NEK6: variants seen among roughly 807,000 people sequenced by gnomAD.
The protein encoded by NEK6 is serine/threonine-protein kinase Nek6.
In NEK6, 27 loss-of-function variants were observed where a neutral mutation model predicts 43.5. The ratio of observed to expected loss-of-function variants is 0.62; its 90% CI spans 0.46 to 0.86. NEK6 has a LOEUF of 0.86. Ranked by LOEUF, NEK6 falls within the 40% of genes least tolerant of loss-of-function variation. NEK6 has a pLI of 0.00. For missense variants in NEK6, 318 were observed against 414.4 expected (o/e 0.77, Z 2.02); for synonymous variants, 167 against 164.1 (o/e 1.02, Z -0.14).
intron 3 of NEK6, among the ~76,000 whole-genome samples, 172 bp downstream of exon 3, chr9:124,312,821 T>C (rs1049620356): frequency 1.3e-5 from 2 of 152,180 alleles, no homozygotes; most frequent in Non-Finnish European, 2.9e-5. Context: ...GAAAGTTCAC[T>C]GTGAACTGCA....
chr9:124,274,280 G>C (rs780047896), intron 1 of NEK6, among the ~76,000 whole-genome samples: 41 of 152,280 alleles, frequency 2.7e-4, no homozygotes, highest in Non-Finnish European at 2.2e-4. Flanking sequence ...CCCAGTGGCA[G>C]ATGTGAACGG....
intron 1 of NEK6, among the ~76,000 whole-genome samples, chr9:124,296,148 A>G (rs1832680040): frequency 6.6e-6 from 1 of 152,372 alleles, no homozygotes; most frequent in Admixed American, 6.5e-5. Flanking sequence ...GTGGGCATCC[A>G]TCCTCGGCTT....
intron 1 of NEK6, among the ~76,000 whole-genome samples, chr9:124,270,190 C>T (rs986269134): frequency 2.6e-5 from 4 of 152,162 alleles, no homozygotes; most frequent in Non-Finnish European, 4.4e-5. Flanking sequence ...TGCCCTGGAG[C>T]CCCTCAAGCA....
chr9:124,330,385 G>A (rs1046439940), intron 7 of NEK6, among the ~76,000 whole-genome samples: 3 of 152,244 alleles, frequency 2.0e-5, no homozygotes, highest in Admixed American at 1.3e-4. Flanking sequence ...CTCGCTCCGA[G>A]CAACGGCAGC....
At chr9:124,323,423 G>A (rs1337653865) in intron 5 of NEK6, among the ~76,000 whole-genome samples, 3 of 152,194 alleles carry the variant, frequency 2.0e-5, no homozygotes, top group Admixed American at 6.5e-5. Context: ...GATTCATGGC[G>A]GTGAACAAAC....
rs537833228 is a variant in NEK6 at position 124,277,753 on chromosome 9, C to T, written c.-30+19668C>T. Among the ~76,000 whole-genome samples, 4 of 152,338 alleles carry T rather than the reference C, an allele frequency of 2.6e-5. No homozygotes were observed. The East Asian group carries it at 7.7e-4, about 29-fold the overall frequency. ...GCTTCCTGGGGACGAGAGAGGCCCGCGTTCACGGGAGCGCGCCCGCAGGCC... is the reference window on the plus strand; with the variant it reads ...GCTTCCTGGGGACGAGAGAGGCCCGTGTTCACGGGAGCGCGCCCGCAGGCC... On this transcript the variant is annotated intron_variant, in intron 1 of 9. Coordinates refer to ENST00000320246, the MANE Select transcript of NEK6 (RefSeq NM_014397.6).
At chr9:124,349,556 CTATTT>C (rs1830139250) in intron 9 of NEK6, among the ~76,000 whole-genome samples, 1 of 152,208 alleles carries the variant, frequency 6.6e-6, no homozygotes, top group Non-Finnish European at 1.5e-5. Flanking sequence ...CCAGCACACC[CTATTT>C]TAAAGTTATA....
At chr9:124,346,711 T>C (rs904540312) in intron 8 of NEK6, among the ~76,000 whole-genome samples, 2 of 152,134 alleles carry the variant, frequency 1.3e-5, no homozygotes, top group African/African-American at 4.8e-5. Context: ...TCAGGGCCAC[T>C]GTGGCCCCTG....
intron 1 of NEK6, among the ~76,000 whole-genome samples, chr9:124,288,710 G>A (rs550447127): frequency 3.9e-5 from 6 of 152,236 alleles, no homozygotes; most frequent in Admixed American, 3.9e-4. Context: ...TCCTACTGTG[G>A]CTACTAGTTT....
chr9:124,273,875 G>A (rs1033600777), intron 1 of NEK6, among the ~76,000 whole-genome samples: 13 of 152,102 alleles, frequency 8.5e-5, no homozygotes, highest in Non-Finnish European at 1.3e-4. Flanking sequence ...TAGCGAGTGC[G>A]GCGGCTCTTC....
chr9:124,292,172 A>G, intron 1 of NEK6: 1 of 1,244,498 alleles, frequency 8.0e-7, no homozygotes, highest in South Asian at 1.8e-5. Context: ...ACCAGGCCCC[A>G]GGGACCTCCA....
rs1830294777 is a variant in NEK6, at chr9:124,351,901, T to C, written c.*954T>C. On this transcript the variant is annotated 3_prime_UTR_variant, in exon 10 of 10. Transcript: ENST00000320246. Reference sequence around the variant, plus strand: ...GAAATAAAATATGCAAGTTAGCTAATACAAAAAGTAGATGATCCAAAAATG... The same window carrying C: ...GAAATAAAATATGCAAGTTAGCTAACACAAAAAGTAGATGATCCAAAAATG... 6.6e-6 allele frequency: 1 copy of C among 152,550 alleles called. No homozygotes were observed. The highest frequency in any genetic ancestry group is 2.4e-5 in the African/African-American group (1 of 41,440). 9.4% of individuals were successfully genotyped at this position (152,550 alleles called of 1,614,324 possible).
intron 1 of NEK6, chr9:124,261,306 C>A: frequency 1.4e-6 from 1 of 734,596 alleles, no homozygotes; most frequent in Non-Finnish European, 1.7e-6. Flanking sequence ...TTAAGTGCCC[C>A]AGATACTTTT....
At chr9:124,279,149 G>A (rs1831779799) in intron 1 of NEK6, among the ~76,000 whole-genome samples, 1 of 152,040 alleles carries the variant, frequency 6.6e-6, no homozygotes, top group Non-Finnish European at 1.5e-5. Context: ...TGATACCGGA[G>A]GCATCACTTT....
Position 124,321,499 on chromosome 9 carries a change from T to G in NEK6, c.335T>G (p.Phe112Cys), listed in dbSNP as rs1182869786. ...AATATCATCAAGTATTTGGACTCGT[T>G]TATCGAAGACAACGAGCTGAACATT... ...HPNIIKYLDS[F>C]IEDNELNIVL... Residue 112 changes from phenylalanine (F) to cysteine (C), a missense_variant, in exon 5 of 10, where the codon TTT (phenylalanine) becomes TGT (cysteine). This residue lies in a region of NEK6 where 239 missense variants were observed against 344.4 expected (regional missense o/e 0.69). Transcript: ENST00000320246. 6.2e-7 allele frequency: 1 copy of G among 1,614,090 alleles called. No homozygotes were observed. Among genetic ancestry groups the G allele is most frequent in the Admixed American group, 1.7e-5 (1 of 60,022 alleles).
At chr9:124,345,184 G>A (rs1829853510) in intron 8 of NEK6, among the ~76,000 whole-genome samples, 1 of 152,204 alleles carries the variant, frequency 6.6e-6, no homozygotes, top group African/African-American at 2.4e-5. Context: ...CGTGGCCTCG[G>A]CAGTTCTAAC....
intron 2 of NEK6, among the ~76,000 whole-genome samples, chr9:124,309,676 C>T (rs993002588): frequency 6.6e-6 from 1 of 152,220 alleles, no homozygotes; most frequent in Non-Finnish European, 1.5e-5. Context: ...GAAACTAGCA[C>T]ATAGTAGGCG....
chr9:124,316,587 C>T (rs985897342), intron 4 of NEK6, among the ~76,000 whole-genome samples: 1 of 152,224 alleles, frequency 6.6e-6, no homozygotes, highest in Non-Finnish European at 1.5e-5. Flanking sequence ...CCACCTGGGC[C>T]CACCAAGAGG....
chr9:124,274,121 GAA>G (rs147967470), intron 1 of NEK6, among the ~76,000 whole-genome samples: 5,861 of 152,344 alleles, frequency 0.038, 164 homozygotes, highest in East Asian at 0.1. Flanking sequence ...GGAAGGGAAA[GAA>G]AGAGAGGGAG....
Sources: gnomAD v4.1 joint callset for allele counts (sites outside exome capture counted in the v4.1 genomes callset) on GRCh38, gnomAD v4.1.1 for gene constraint, gnomAD v4.1.1 regional missense constraint, MANE v1.5 for transcripts, NCBI Gene and HGNC (gene_info 2026-07-23, HGNC 2026-07-21) for gene names.